The following URGCP variants were observed in gnomAD, a reference collection of about 807,000 sequenced individuals.
URGCP encodes the protein upregulator of cell proliferation, also known as up-regulator of cell proliferation.
Under a neutral mutation model 24.6 loss-of-function variants are expected in URGCP, and 13 were observed. That is an observed-to-expected ratio of 0.53 (90% CI 0.34 to 0.84). URGCP has a LOEUF of 0.84. Among genes scored for constraint, URGCP ranks in the 40% least tolerant of loss-of-function variants. The pLI is 0.01. For synonymous variants in URGCP, 444 were observed against 487.2 expected (o/e 0.91, Z 1.17); for missense variants, 899 against 1,194.3 (o/e 0.75, Z 3.64).
chr7:43,922,435 G>A (rs1300655706), intron 1 of URGCP, among the ~76,000 whole-genome samples: 1 of 152,210 alleles, frequency 6.6e-6, no homozygotes, highest in Non-Finnish European at 1.5e-5. Context: ...GCACCAGAAT[G>A]TGTGAGGGTT....
rs568833196 is a variant in URGCP at position 43,880,098 on chromosome 7, A to AT, written c.203-839dup. On this transcript the variant is annotated intron_variant, in intron 5 of 5. Coordinates refer to ENST00000453200, the MANE Select transcript of URGCP (RefSeq NM_001077663.3). ...GCCACCACACCCAGCTCATCCTTGT[A>AT]TTTTTTTGTAGAGATGGGTTTTTGC... 8.6e-5 allele frequency among the ~76,000 whole-genome samples: 13 copies of AT among 151,914 alleles called. No individual in the cohort carries two copies. In the South Asian group the frequency reaches 2.3e-3, roughly 27 times the overall value.
intron 1 of URGCP, among the ~76,000 whole-genome samples, chr7:43,920,375 C>G (rs1200732526): frequency 6.6e-6 from 1 of 152,124 alleles, no homozygotes; most frequent in Admixed American, 6.5e-5. Flanking sequence ...GCCTGGCCAA[C>G]ATGGTGAAAC....
chr7:43,900,469 CAAA>C (rs759728715), intron 1 of URGCP, among the ~76,000 whole-genome samples: 4 of 114,484 alleles, frequency 3.5e-5, no homozygotes, highest in Non-Finnish European at 5.4e-5. Flanking sequence ...AAAACCAAAA[CAAA>C]AAAAAAAAAA....
At chr7:43,883,231 G>A (rs564127618) in intron 3 of URGCP, among the ~76,000 whole-genome samples, 1 of 150,756 alleles carries the variant, frequency 6.6e-6, no homozygotes, top group South Asian at 2.1e-4. Context: ...GCTTAGGAAG[G>A]AGGGAGCAAG....
chr7:43,914,951 T>C (rs532826303), intron 1 of URGCP, among the ~76,000 whole-genome samples: 1 of 152,178 alleles, frequency 6.6e-6, no homozygotes, highest in East Asian at 1.9e-4. Context: ...GTAAGGGAAA[T>C]CAATGTGGAG....
At chr7:43,896,171 T>G (rs955625939) in intron 1 of URGCP, among the ~76,000 whole-genome samples, 8 of 152,100 alleles carry the variant, frequency 5.3e-5, no homozygotes, top group African/African-American at 1.9e-4. Flanking sequence ...GAGACTGGAA[T>G]GCATGGGAGA....
rs368857439 is a variant in URGCP at position 43,893,319 on chromosome 7, G to C, written c.15-5503C>G. ...CACTTGAGCCTAGGAGATAGAGAAT[G>C]ATTCTGTCTCAAAAAAAATATGTAT... On this transcript the variant is annotated intron_variant, in intron 1 of 5. Coordinates refer to ENST00000453200, the MANE Select transcript of URGCP (RefSeq NM_001077663.3). 3.9e-5 allele frequency among the ~76,000 whole-genome samples: 6 copies of C among 152,138 alleles called. No homozygotes were observed. The East Asian group carries it at 1.2e-3, about 29-fold the overall frequency.
intron 1 of URGCP, among the ~76,000 whole-genome samples, chr7:43,893,979 AACAAAG>A (rs1209880698): frequency 3.9e-5 from 6 of 152,220 alleles, no homozygotes; most frequent in Admixed American, 6.5e-5. Flanking sequence ...TACATGAAAA[AACAAAG>A]ACAAAGAAGG....
At chr7:43,879,766 T>G (rs1335732957) in intron 5 of URGCP, 1 of 150,752 alleles carries the variant, frequency 6.6e-6, no homozygotes, top group Non-Finnish European at 1.5e-5. Context: ...TAGTTAATGT[T>G]TTTTTGTGTT....
intron 1 of URGCP, among the ~76,000 whole-genome samples, chr7:43,900,468 A>C (rs1183432838): frequency 2.7e-5 from 2 of 74,826 alleles, no homozygotes; most frequent in Non-Finnish European, 5.3e-5. Context: ...AAAAACCAAA[A>C]CAAAAAAAAA....
At chr7:43,890,860 C>A (rs1052260400) in intron 1 of URGCP, among the ~76,000 whole-genome samples, 1 of 152,380 alleles carries the variant, frequency 6.6e-6, no homozygotes, top group African/African-American at 2.4e-5. Context: ...AACCCTACTT[C>A]CGGCAGGTCT....
At chr7:43,909,360 T>C (rs79126743), upstream of URGCP, among the ~76,000 whole-genome samples, 163 of 152,356 alleles carry the variant, frequency 1.1e-3, no homozygotes, top group African/African-American at 3.1e-3. Context: ...AATCACCTGA[T>C]AGTCCTAGTT....
intron 1 of URGCP, among the ~76,000 whole-genome samples, chr7:43,893,600 G>A (rs2095874206): frequency 6.6e-6 from 1 of 152,116 alleles, no homozygotes; most frequent in Non-Finnish European, 1.5e-5. Context: ...GCTGGGTGCA[G>A]TGGCTCACGC....
chr7:43,881,266 G>C (rs755349903), intron 5 of URGCP: 37 of 702,250 alleles, frequency 5.3e-5, no homozygotes, highest in African/African-American at 1.7e-5. Context: ...TCTGGGCCCA[G>C]TATCCTGATC....
chr7:43,908,133 G>A (rs1033073091), upstream of URGCP, among the ~76,000 whole-genome samples: 2 of 152,220 alleles, frequency 1.3e-5, no homozygotes, highest in Non-Finnish European at 2.9e-5. Flanking sequence ...CCAGGCCAGA[G>A]TGCAATGGCG....
intron 1 of URGCP, among the ~76,000 whole-genome samples, chr7:43,913,717 G>T (rs550162092): frequency 6.3e-4 from 95 of 151,788 alleles, no homozygotes; most frequent in African/African-American, 2.2e-3. Context: ...ATTTATTTTT[G>T]AGATGGAATC....
Position 43,891,337 on chromosome 7 carries a change from T to G in URGCP, c.15-3521A>C, listed in dbSNP as rs904961792. Among the ~76,000 whole-genome samples the G allele has an allele frequency of 2.0e-5, 3 of 152,200 alleles. No individual in the cohort carries two copies. The East Asian group carries it at 5.8e-4, about 29-fold the overall frequency. On this transcript the variant is annotated intron_variant, in intron 1 of 5. Transcript: ENST00000453200. ...ACCAGACAAATACAGGTACAATTAC[T>G]CACTGTATTATAATCAACAATATAT... is the stretch of plus-strand genomic sequence containing the variant.
At position 43,919,800 on chromosome 7, in the gene URGCP, C is replaced by T. The variant is rs1298727197; in HGVS notation, c.-116+6332G>A. On this transcript the variant is annotated intron_variant, in intron 1 of 5. Coordinates refer to the URGCP transcript ENST00000426198. ...CCTGTCGAGGAAGTCTCCTTACCTG[C>T]CCTTGGCCCACCGGGTCAGTGGGCG... The T allele has an allele frequency of 6.2e-6, 8 of 1,299,168 alleles. No individual in the cohort carries two copies. In the East Asian group the frequency reaches 1.8e-4, roughly 30 times the overall value. The allele number at this position is 1,299,168 out of a possible 1,614,324, so 80.5% of individuals were successfully genotyped here.
chr7:43,920,280 A>G (rs10238159), intron 1 of URGCP, among the ~76,000 whole-genome samples: 109,201 of 152,200 alleles, frequency 0.72, 39,499 homozygotes, highest in African/African-American at 0.82. Flanking sequence ...TGGATATCTG[A>G]GGGGAGTGCA....
Sources: gnomAD v4.1 joint callset for allele counts (sites outside exome capture counted in the v4.1 genomes callset) on GRCh38, gnomAD v4.1.1 for gene constraint, MANE v1.5 for transcripts, NCBI Gene and HGNC (gene_info 2026-07-23, HGNC 2026-07-21) for gene names.